The following CFAP20DC variants were observed in gnomAD, a reference collection of about 807,000 sequenced individuals.
CFAP20DC encodes protein CFAP20DC.
CFAP20DC carries 84 observed loss-of-function variants against 101.7 expected under a neutral mutation model. That is an observed-to-expected ratio of 0.83 (90% CI 0.69 to 0.99). The LOEUF (loss-of-function observed/expected upper bound fraction) is 0.99, where lower values mean the gene tolerates loss of function less well. Among genes scored for constraint, CFAP20DC ranks in the 50% least tolerant of loss-of-function variants. CFAP20DC has a pLI of 0.00. For missense variants in CFAP20DC, 1,007 were observed against 970.3 expected (o/e 1.04, Z -0.50); for synonymous variants, 359 against 351.2 (o/e 1.02, Z -0.25).
chr3:58,867,821 G>C lies in CFAP20DC; in HGVS notation c.1131C>G (p.Pro377=), dbSNP rs1438340498. Residue 377 remains proline (P), a synonymous_variant, in exon 10 of 17, where the codon CCC becomes CCG. Transcript: ENST00000482387. ...KSTSRERTET[P]SGSSSGNNRI... The stretch of plus-strand genomic sequence containing the variant: ...AGGATTGAAATAGTGCCATACCGCT[G>C]GGTGTCTCTGTCCTTTCTCTGCTGG... The C allele has an allele frequency of 1.2e-6, 2 of 1,613,330 alleles. No individual in the cohort carries two copies. Among genetic ancestry groups the C allele is most frequent in the Non-Finnish European group, 1.7e-6 (2 of 1,179,524 alleles).
At chr3:58,718,423 A>G (rs956849133) in intron 3 of CFAP20DC, among the ~76,000 whole-genome samples, 2 of 152,226 alleles carry the variant, frequency 1.3e-5, no homozygotes, top group Admixed American at 6.5e-5. Context: ...TGGGAGGCTT[A>G]GAAAAGCTAA....
chr3:58,926,988 T>C (rs553489522), intron 5 of CFAP20DC, among the ~76,000 whole-genome samples: 3 of 152,338 alleles, frequency 2.0e-5, no homozygotes, highest in African/African-American at 7.2e-5. Flanking sequence ...GACACCAGCA[T>C]CAACTAATTG....
chr3:58,870,494 T>C (rs2080079839), intron 7 of CFAP20DC, among the ~76,000 whole-genome samples, 185 bp from the exon 8 acceptor site: 2 of 150,556 alleles, frequency 1.3e-5, no homozygotes, highest in Non-Finnish European at 2.9e-5. Context: ...CGTATAGAAT[T>C]AGGATCTCGG....
intron 13 of CFAP20DC, among the ~76,000 whole-genome samples, chr3:58,843,146 G>C (rs2077299236): frequency 6.6e-6 from 1 of 152,186 alleles, no homozygotes; most frequent in South Asian, 2.1e-4. Flanking sequence ...ACCAGCAACG[G>C]AATAAAGCTG....
intron 7 of CFAP20DC, among the ~76,000 whole-genome samples, chr3:58,878,604 A>G (rs1360749752): frequency 6.6e-6 from 1 of 152,188 alleles, no homozygotes; most frequent in African/African-American, 2.4e-5. Context: ...GATAATTTCC[A>G]TCATTTGGGC....
At chr3:58,746,110 G>C (rs2068179386) in intron 16 of CFAP20DC, among the ~76,000 whole-genome samples, 1 of 152,086 alleles carries the variant, frequency 6.6e-6, no homozygotes, top group African/African-American at 2.4e-5. Flanking sequence ...AAACATAGTG[G>C]ATTTGAAAGA....
chr3:58,937,617 A>G, intron 5 of CFAP20DC, 31 bp downstream of exon 5: 2 of 1,288,690 alleles, frequency 1.6e-6, no homozygotes, highest in Non-Finnish European at 2.3e-6. Context: ...ATTGAATTTA[A>G]TATTTTAGGC....
chr3:58,814,303 T>G (rs918520767), intron 14 of CFAP20DC, among the ~76,000 whole-genome samples: 2 of 151,868 alleles, frequency 1.3e-5, no homozygotes, highest in African/African-American at 4.9e-5. Flanking sequence ...ACTCAGCCCC[T>G]CCTTGCTTTA....
chr3:58,794,503 CA>C (rs1377765560), intron 15 of CFAP20DC, among the ~76,000 whole-genome samples: 1 of 152,140 alleles, frequency 6.6e-6, no homozygotes, highest in Non-Finnish European at 1.5e-5. Flanking sequence ...TGGTAATGAA[CA>C]GCATAATATG....
At chr3:58,931,677 C>T (rs1054293431) in intron 5 of CFAP20DC, among the ~76,000 whole-genome samples, 13 of 144,892 alleles carry the variant, frequency 9.0e-5, no homozygotes, top group Non-Finnish European at 1.8e-4. Context: ...CTGGAGTGGA[C>T]CTCTAGCAAA....
At chr3:58,969,618 A>C (rs964572544) in intron 4 of CFAP20DC, among the ~76,000 whole-genome samples, 2 of 152,214 alleles carry the variant, frequency 1.3e-5, no homozygotes, top group Non-Finnish European at 2.9e-5. Context: ...ATATCCATAC[A>C]ATGTATTATT....
intron 13 of CFAP20DC, among the ~76,000 whole-genome samples, chr3:58,841,552 A>T (rs1013047857): frequency 6.6e-6 from 1 of 152,256 alleles, no homozygotes; most frequent in African/African-American, 2.4e-5. Flanking sequence ...AACAAAACTA[A>T]TTCTTTTACA....
At chr3:58,831,557 A>C (rs985403295) in intron 14 of CFAP20DC, 129 bp downstream of exon 14, 27 of 682,580 alleles carry the variant, frequency 4.0e-5, no homozygotes, top group Non-Finnish European at 5.9e-5. Context: ...TTCAGAATGG[A>C]CTCTGATTAT....
intron 15 of CFAP20DC, among the ~76,000 whole-genome samples, chr3:58,763,883 G>A (rs2069960650): frequency 1.3e-5 from 2 of 152,208 alleles, no homozygotes; most frequent in South Asian, 2.1e-4. Flanking sequence ...GTTGCTGCCT[G>A]ATAGTTCCTC....
At position 58,971,012 on chromosome 3, in the gene CFAP20DC, C is replaced by G. The variant is rs923313628; in HGVS notation, c.279-33250G>C. ...TTCAAATTATACATCTGTAACACCA[C>G]CCACTCTCCTAACCTCCCAAGCATA... On this transcript the variant is annotated intron_variant, in intron 4 of 16. Coordinates refer to ENST00000482387, the MANE Select transcript of CFAP20DC (RefSeq NM_001394063.1). The surrounding 1 kb of genome is among the most constrained non-coding windows in gnomAD (Gnocchi z 4.1). 6.6e-6 allele frequency among the ~76,000 whole-genome samples: 1 copy of G among 152,144 alleles called. No individual in the cohort carries two copies. The highest frequency in any genetic ancestry group is 1.5e-5 in the Non-Finnish European group (1 of 68,028).
Position 58,773,359 on chromosome 3 carries a change from T to C in CFAP20DC, c.2238-19496A>G, listed in dbSNP as rs568401869. Among the ~76,000 whole-genome samples, 311 of 144,640 alleles carry C rather than the reference T, an allele frequency of 2.2e-3. 3 individuals carry two copies. The highest frequency in any genetic ancestry group is 7.8e-3 in the African/African-American group (303 of 38,938). 94.9% of individuals were successfully genotyped at this position (144,640 alleles called of 152,430 possible). On this transcript the variant is annotated intron_variant, in intron 15 of 16. Coordinates refer to ENST00000482387, the MANE Select transcript of CFAP20DC (RefSeq NM_001394063.1). ...TATGCCCCGGAGTTCAAGACCAGCATGGGCAATATAGTGAGACCTCATCTC... is the reference window on the plus strand; with the variant it reads ...TATGCCCCGGAGTTCAAGACCAGCACGGGCAATATAGTGAGACCTCATCTC...
chr3:58,956,483 T>C (rs2090641366), intron 4 of CFAP20DC, among the ~76,000 whole-genome samples: 1 of 152,064 alleles, frequency 6.6e-6, no homozygotes, highest in Non-Finnish European at 1.5e-5. Context: ...AAAGACTACA[T>C]CTTGTGGTTT....
intron 15 of CFAP20DC, 75 bp from the exon 16 acceptor site, chr3:58,753,938 T>C: frequency 1.0e-6 from 1 of 960,966 alleles, no homozygotes; most frequent in Non-Finnish European, 1.6e-6. Context: ...GGATTTTCAG[T>C]TCCTTGGGGC....
At chr3:58,786,583 T>C (rs2072358866) in intron 15 of CFAP20DC, among the ~76,000 whole-genome samples, 1 of 152,042 alleles carries the variant, frequency 6.6e-6, no homozygotes, top group Admixed American at 6.6e-5. Context: ...CCACACCCAT[T>C]AGTTTCTTAG....
Sources: gnomAD v4.1 joint callset for allele counts (sites outside exome capture counted in the v4.1 genomes callset) on GRCh38, gnomAD v4.1.1 for gene constraint, Gnocchi (gnomAD v3.1) non-coding constraint, MANE v1.5 for transcripts, NCBI Gene and HGNC (gene_info 2026-07-23, HGNC 2026-07-21) for gene names.